Variants in DNAJC16 observed in about 807,000 individuals in gnomAD.
DNAJC16 encodes the protein dnaJ homolog subfamily C member 16.
A neutral mutation model predicts 92.7 loss-of-function variants in DNAJC16; 76 were observed. That is an observed-to-expected ratio of 0.82 (90% CI 0.68 to 0.99). The LOEUF is 0.99. Among genes scored for constraint, DNAJC16 ranks in the 50% least tolerant of loss-of-function variants. The pLI is 0.00. For missense variants in DNAJC16, 869 were observed against 942.4 expected (o/e 0.92, Z 1.02); for synonymous variants, 328 against 358.7 (o/e 0.91, Z 0.97).
At chr1:15,552,504 C>T (rs77531912) in intron 7 of DNAJC16, among the ~76,000 whole-genome samples, 1,742 of 151,722 alleles carry the variant, frequency 0.011, 41 homozygotes, top group African/African-American at 0.039. Flanking sequence ...AAAAAAGTTA[C>T]TGTTTGGAAG....
chr1:15,567,495 TATTCCCTG>T (rs1408760293), intron 14 of DNAJC16, among the ~76,000 whole-genome samples: 4 of 152,168 alleles, frequency 2.6e-5, no homozygotes, highest in African/African-American at 7.2e-5. Context: ...AACTCAGTGT[TATTCCCTG>T]AGCCCTTTCA....
chr1:15,557,380 T>G (rs1181065169), intron 7 of DNAJC16, among the ~76,000 whole-genome samples: 1 of 152,228 alleles, frequency 6.6e-6, no homozygotes, highest in Non-Finnish European at 1.5e-5. Flanking sequence ...GAATGATTAT[T>G]TTATGCCTTC....
At chr1:15,552,262 T>C (rs1247326092) in intron 7 of DNAJC16, among the ~76,000 whole-genome samples, 1 of 151,354 alleles carries the variant, frequency 6.6e-6, no homozygotes, top group Non-Finnish European at 1.5e-5. Flanking sequence ...CTGAGGCAGG[T>C]GGATCATGAG....
Position 15,567,134 on chromosome 1 carries a change from A to C in DNAJC16, c.1814A>C (p.Glu605Ala). 1 of 1,612,652 alleles carries C rather than the reference A, an allele frequency of 6.2e-7. No individual in the cohort carries two copies. Among genetic ancestry groups the C allele is most frequent in the Non-Finnish European group, 8.5e-7 (1 of 1,178,696 alleles). The change falls in exon 14 of 15, where the codon GAA (glutamate) becomes GCA (alanine). Residue 605 changes from glutamate to alanine, a missense_variant. Transcript: ENST00000375847. ...IPKKGFVEVT[E>A]LTDVTYTSNL... ...AAAAAAGGCTTTGTGGAGGTAACTG[A>C]ACTCACAGATGTAACATACACCAGT... is the stretch of plus-strand genomic sequence containing the variant.
rs150076087 is a variant in DNAJC16, at chr1:15,567,217, A to T, written c.1897A>T (p.Thr633Ser). 6.2e-7 allele frequency: 1 copy of T among 1,614,182 alleles called. No homozygotes were observed. The highest frequency in any genetic ancestry group is 1.3e-5 in the African/African-American group (1 of 75,064). ...TGTGGTCCTCATCCTGTCGAATTCT[A>T]CCAAGACCAGCCTACTACAGAAATT... Reference protein sequence around the residue: ...MNVVLILSNSTKTSLLQKFAL... With the variant: ...MNVVLILSNSSKTSLLQKFAL... The change falls in exon 14 of 15, where the codon ACC (threonine) becomes TCC (serine). Residue 633 changes from threonine (T) to serine (S), a missense_variant. Physicochemically the swap from Thr to Ser is moderately conservative, Grantham distance 58. Transcript: ENST00000375847.
intron 4 of DNAJC16, among the ~76,000 whole-genome samples, chr1:15,537,179 C>A (rs1009217293): frequency 6.6e-6 from 1 of 152,122 alleles, no homozygotes; most frequent in African/African-American, 2.4e-5. Flanking sequence ...ATTGCCTATT[C>A]TATAAACCCT....
At chr1:15,537,931 AC>A (rs1206947447) in intron 4 of DNAJC16, among the ~76,000 whole-genome samples, 1 of 152,218 alleles carries the variant, frequency 6.6e-6, no homozygotes, top group African/African-American at 2.4e-5. Context: ...TAAGAAACAT[AC>A]CTCAATCATC....
rs1638863871 is a variant in DNAJC16 at position 15,568,149 on chromosome 1, A to T, written c.2321A>T (p.Tyr774Phe). The T allele has an allele frequency of 1.2e-6, 2 of 1,613,314 alleles. No individual in the cohort carries two copies. The highest frequency in any genetic ancestry group is 2.7e-5 in the African/African-American group (2 of 74,906). ...CTGGAGGGCTCCTTACAGAGGTTTTATATCCCATCATGGCCTGAACTAGAC... is the reference window on the plus strand; with the variant it reads ...CTGGAGGGCTCCTTACAGAGGTTTTTTATCCCATCATGGCCTGAACTAGAC... ...RLLEGSLQRFYIPSWPELD is the reference protein window; with the variant it reads ...RLLEGSLQRFFIPSWPELD The change falls in exon 15 of 15, where the codon TAT becomes TTT. Residue 774 changes from tyrosine (Y) to phenylalanine (F), a missense_variant. Coordinates refer to ENST00000375847, the MANE Select transcript of DNAJC16 (RefSeq NM_015291.4).
At position 15,568,028 on chromosome 1, in the gene DNAJC16, T is replaced by C; in HGVS notation, c.2200T>C (p.Tyr734His). 1 of 1,614,220 alleles carries C rather than the reference T, an allele frequency of 6.2e-7. No homozygotes were observed. The highest frequency in any genetic ancestry group is 8.5e-7 in the Non-Finnish European group (1 of 1,180,038). Residue 734 changes from tyrosine (Y) to histidine (H), a missense_variant, in exon 15 of 15, where the codon TAC (tyrosine) becomes CAC (histidine). Physicochemically the swap from Tyr to His is moderately conservative, Grantham distance 83. Transcript: ENST00000375847. ...GSCSDVDSSL[Y>H]LGESRGKPSC... ...GTGCAGTGATGTTGACTCTTCCCTC[T>C]ACCTGGGTGAATCTCGAGGGAAACC...
chr1:15,542,558 C>T (rs1710957282), intron 4 of DNAJC16, among the ~76,000 whole-genome samples: 1 of 152,160 alleles, frequency 6.6e-6, no homozygotes, highest in Admixed American at 6.5e-5. Flanking sequence ...GCAGCTCGAG[C>T]AAGTTAGTTG....
intron 3 of DNAJC16, 77 bp from the exon 4 acceptor site, chr1:15,536,398 T>C (rs1337722543): frequency 2.5e-6 from 3 of 1,215,318 alleles, no homozygotes; most frequent in South Asian, 1.6e-5. Context: ...TTTCTTCCTA[T>C]GTCTTTCAAG....
At chr1:15,564,689 T>C (rs1433032277) in intron 11 of DNAJC16, among the ~76,000 whole-genome samples, 1 of 148,136 alleles carries the variant, frequency 6.8e-6, no homozygotes, top group Non-Finnish European at 1.5e-5. Context: ...TCACCATGCC[T>C]GGCTAATTTT....
chr1:15,538,978 T>C (rs944050625), intron 4 of DNAJC16, among the ~76,000 whole-genome samples: 1 of 151,988 alleles, frequency 6.6e-6, no homozygotes, highest in Non-Finnish European at 1.5e-5. Context: ...TATTCAAAGG[T>C]GGAGAGAAAA....
At chr1:15,538,058 G>T (rs1241042690) in intron 4 of DNAJC16, among the ~76,000 whole-genome samples, 1 of 152,126 alleles carries the variant, frequency 6.6e-6, no homozygotes, top group Non-Finnish European at 1.5e-5. Context: ...TGATCAGGCA[G>T]TGATTACCTG....
At chr1:15,549,244 A>G (rs537446394) in intron 7 of DNAJC16, among the ~76,000 whole-genome samples, 16 of 152,198 alleles carry the variant, frequency 1.1e-4, no homozygotes, top group Non-Finnish European at 2.2e-4. Flanking sequence ...GGCTGTGGAC[A>G]TACTGAATTA....
At chr1:15,554,437 C>T (rs1638520452) in intron 7 of DNAJC16, among the ~76,000 whole-genome samples, 1 of 152,026 alleles carries the variant, frequency 6.6e-6, no homozygotes, top group Non-Finnish European at 1.5e-5. Flanking sequence ...GATATACTTC[C>T]CCTACATCAA....
At chr1:15,563,664 A>T (rs928867808) in intron 9 of DNAJC16, among the ~76,000 whole-genome samples, 8 of 76,348 alleles carry the variant, frequency 1.0e-4, no homozygotes, top group Non-Finnish European at 2.2e-4. Context: ...CATCTCTACT[A>T]AAAAAAAAAA....
rs766943369 is a variant in DNAJC16 at position 15,544,501 on chromosome 1, T to A, written c.677T>A (p.Ile226Asn). ...PSILGIINGK[I>N]SFFHNAVVRE... ...ATCCTAGGAATCATTAACGGGAAAA[T>A]CTCCTTCTTCCACAATGCAGTTGTC... Residue 226 changes from isoleucine to asparagine, a missense_variant, in exon 5 of 15, where the codon ATC (isoleucine) becomes AAC (asparagine). Transcript: ENST00000375847. 1.2e-5 allele frequency: 20 copies of A among 1,613,948 alleles called. No individual in the cohort carries two copies. The highest frequency in any genetic ancestry group is 1.7e-5 in the Non-Finnish European group (20 of 1,180,046).
intron 1 of DNAJC16, among the ~76,000 whole-genome samples, 160 bp downstream of exon 1, chr1:15,527,118 G>A (rs936548643): frequency 5.9e-5 from 9 of 152,256 alleles, no homozygotes; most frequent in African/African-American, 2.2e-4. Flanking sequence ...GGGCGGCGGG[G>A]GAGGGGGCTG....
Sources: allele counts gnomAD v4.1 joint callset (sites outside exome capture counted in the v4.1 genomes callset), GRCh38; gene constraint gnomAD v4.1.1; transcripts MANE v1.5; gene names NCBI Gene and HGNC (gene_info 2026-07-23, HGNC 2026-07-21).